ZDHHC15: variants seen among roughly 807,000 people sequenced by gnomAD.
The protein encoded by ZDHHC15 is zDHHC palmitoyltransferase 15.
ZDHHC15 carries 19 observed loss-of-function variants against 31.7 expected under a neutral mutation model. That is an observed-to-expected ratio of 0.60 (90% CI 0.42 to 0.88). The LOEUF (loss-of-function observed/expected upper bound fraction) is 0.88, where lower values mean the gene tolerates loss of function less well. Ranked by LOEUF, ZDHHC15 falls within the 40% of genes least tolerant of loss-of-function variation. The pLI, the probability that ZDHHC15 is intolerant of heterozygous loss-of-function variation, is 0.00. For synonymous variants in ZDHHC15, 103 were observed against 90.0 expected (o/e 1.14, Z -0.82); for missense variants, 209 against 251.2 (o/e 0.83, Z 1.14).
intron 10 of ZDHHC15, among the ~76,000 whole-genome samples, chrX:75,400,002 G>A (rs1232149028): frequency 9.0e-6 from 1 of 111,696 alleles, no homozygotes; most frequent in Non-Finnish European, 1.9e-5. Context: ...TGCAGTTAAA[G>A]AAACACCCAC....
intron 3 of ZDHHC15, among the ~76,000 whole-genome samples, chrX:75,463,279 A>C (rs977208998): frequency 9.0e-6 from 1 of 111,348 alleles, no homozygotes; most frequent in African/African-American, 3.3e-5. Context: ...TACCAATCAA[A>C]AAAAGCCCAG....
At chrX:75,414,426 CTTTTTTT>C (rs1177332052) in intron 10 of ZDHHC15, among the ~76,000 whole-genome samples, 1 of 66,203 alleles carries the variant, frequency 1.5e-5, no homozygotes, top group African/African-American at 6.0e-5. Flanking sequence ...CATATTTTAT[CTTTTTTT>C]TTTTTTTTTT....
intron 10 of ZDHHC15, among the ~76,000 whole-genome samples, chrX:75,408,612 A>G (rs1386800314): frequency 8.9e-6 from 1 of 112,002 alleles, no homozygotes; most frequent in Admixed American, 9.5e-5. Context: ...GCAATCAGAT[A>G]AGAGAAATAA....
chrX:75,508,399 G>A (rs887805963), intron 1 of ZDHHC15, among the ~76,000 whole-genome samples: 1 of 101,106 alleles, frequency 9.9e-6, no homozygotes, highest in African/African-American at 3.7e-5. Context: ...TGCAGTGTTT[G>A]GTTTTTTTTG....
chrX:75,419,912 A>T (rs1286508639), intron 9 of ZDHHC15, among the ~76,000 whole-genome samples: 1 of 86,992 alleles, frequency 1.1e-5, no homozygotes, highest in Non-Finnish European at 2.2e-5. Flanking sequence ...GAACACATGG[A>T]CACAGGAAGG....
intron 4 of ZDHHC15, among the ~76,000 whole-genome samples, chrX:75,444,739 A>G (rs1399028886): frequency 1.1e-5 from 1 of 94,857 alleles, no homozygotes; most frequent in East Asian, 3.3e-4. Context: ...TATTTATTAA[A>G]ATACCATGTG....
chrX:75,461,508 G>T (rs1013318899), intron 3 of ZDHHC15, among the ~76,000 whole-genome samples: 1 of 111,057 alleles, frequency 9.0e-6, no homozygotes, highest in Non-Finnish European at 1.9e-5. Context: ...TTGAAATAAA[G>T]AAAATATTCA....
intron 7 of ZDHHC15, among the ~76,000 whole-genome samples, chrX:75,427,685 T>C (rs1569323607): frequency 1.8e-5 from 2 of 111,279 alleles, no homozygotes; most frequent in Admixed American, 9.6e-5. Flanking sequence ...TTATTGTAAC[T>C]TAATAATAAT....
At chrX:75,393,631 A>G (rs2083269117) in intron 10 of ZDHHC15, among the ~76,000 whole-genome samples, 1 of 111,501 alleles carries the variant, frequency 9.0e-6, no homozygotes, top group African/African-American at 3.3e-5. Flanking sequence ...TTTGTGTCTA[A>G]TCATATTAAG....
chrX:75,417,768 G>A (rs1330096309), intron 9 of ZDHHC15, among the ~76,000 whole-genome samples: 1 of 111,662 alleles, frequency 9.0e-6, no homozygotes, highest in African/African-American at 3.3e-5. Flanking sequence ...TGGTAAGCTA[G>A]GGTCAACTCC....
At chrX:75,484,469 G>A (rs1047191794) in intron 2 of ZDHHC15, among the ~76,000 whole-genome samples, 1 of 112,104 alleles carries the variant, frequency 8.9e-6, no homozygotes, top group Non-Finnish European at 1.9e-5. Context: ...CATTACAGAA[G>A]TGCAAATTAA....
chrX:75,499,955 C>T (rs1001665247), intron 2 of ZDHHC15, among the ~76,000 whole-genome samples: 1 of 111,537 alleles, frequency 9.0e-6, no homozygotes, highest in East Asian at 2.8e-4. Context: ...AATACTTAGC[C>T]ATTAAAAGGA....
intron 11 of ZDHHC15, among the ~76,000 whole-genome samples, chrX:75,374,339 C>A (rs1220377162): frequency 9.1e-6 from 1 of 109,908 alleles, no homozygotes; most frequent in African/African-American, 3.3e-5. Flanking sequence ...ACCTATGTAT[C>A]AAACCTGCAC....
At chrX:75,416,044 T>C (rs759884933) in intron 10 of ZDHHC15, among the ~76,000 whole-genome samples, 2 of 112,431 alleles carry the variant, frequency 1.8e-5, no homozygotes, top group South Asian at 7.4e-4. Flanking sequence ...GGTCAAAATA[T>C]AGTCAATTTT....
chrX:75,520,478 G>A (rs1378225076), intron 1 of ZDHHC15, among the ~76,000 whole-genome samples: 2 of 111,518 alleles, frequency 1.8e-5, no homozygotes, highest in Non-Finnish European at 3.8e-5. Flanking sequence ...CTGGCACAGA[G>A]TAAGCAATAC....
intron 2 of ZDHHC15, among the ~76,000 whole-genome samples, chrX:75,494,231 G>A (rs918488536): frequency 4.5e-5 from 5 of 111,253 alleles, no homozygotes; most frequent in Admixed American, 9.6e-5. Flanking sequence ...TACAAGGGAC[G>A]TGAAGGACCT....
chrX:75,520,474 C>A (rs184771463), intron 1 of ZDHHC15, among the ~76,000 whole-genome samples: 22 of 111,377 alleles, frequency 2.0e-4, no homozygotes, highest in African/African-American at 7.2e-4. Flanking sequence ...TTTTCTGGCA[C>A]AGAGTAAGCA....
intron 3 of ZDHHC15, among the ~76,000 whole-genome samples, chrX:75,465,558 G>T (rs769487520): frequency 2.7e-5 from 3 of 111,672 alleles, no homozygotes; most frequent in South Asian, 7.5e-4. Context: ...ATACTACAAG[G>T]CTACAGTAAC....
intron 2 of ZDHHC15, among the ~76,000 whole-genome samples, chrX:75,493,912 A>G (rs1167457665): frequency 9.0e-6 from 1 of 111,669 alleles, no homozygotes; most frequent in Non-Finnish European, 1.9e-5. Flanking sequence ...TATTCAACAC[A>G]GTGTTGGAAA....
Sources: gnomAD v4.1 joint callset for allele counts (sites outside exome capture counted in the v4.1 genomes callset) on GRCh38, gnomAD v4.1.1 for gene constraint, MANE v1.5 for transcripts, NCBI Gene and HGNC (gene_info 2026-07-23, HGNC 2026-07-21) for gene names.